The following IL5RA variants were observed in gnomAD, a reference collection of about 807,000 sequenced individuals.
IL5RA encodes interleukin 5 receptor subunit alpha.
IL5RA carries 49 observed loss-of-function variants against 50.0 expected under a neutral mutation model. The observed-to-expected ratio is 0.98, with a 90% CI of 0.78 to 1.24. The LOEUF (loss-of-function observed/expected upper bound fraction) is 1.24, where lower values mean the gene tolerates loss of function less well. IL5RA is among the 50% of genes most tolerant of loss of function. IL5RA has a pLI of 0.00. For missense variants in IL5RA, 600 were observed against 500.4 expected (o/e 1.20, Z -1.90); for synonymous variants, 202 against 174.0 (o/e 1.16, Z -1.26).
chr3:3,090,374 C>G, intron 9 of IL5RA: 1 of 726,962 alleles, frequency 1.4e-6, no homozygotes, highest in Non-Finnish European at 2.4e-6. Flanking sequence ...ATCCCATGCT[C>G]TTATAGACCT....
rs59813986 is a variant in IL5RA at position 3,069,630 on chromosome 3, T to TTCTCTCTCTCTCTCTCTCTC, written c.*575_*594dup. ...TCAGGCCTCTGGAGCTTGAGATAAT[T>TTCTCTCTCTCTCTCTCTCTC]TCTCTCTCTCTCTCTCTCTCTCTCT... On this transcript the variant is annotated 3_prime_UTR_variant, in exon 12 of 12. Coordinates refer to ENST00000446632, the MANE Select transcript of IL5RA (RefSeq NM_175726.4). 18 of 147,086 alleles carry TTCTCTCTCTCTCTCTCTCTC rather than the reference T, an allele frequency of 1.2e-4. No homozygotes were observed. Among genetic ancestry groups the TTCTCTCTCTCTCTCTCTCTC allele is most frequent in the African/African-American group, 4.3e-4 (17 of 39,330 alleles). The allele number at this position is 147,086 out of a possible 1,614,324, so 9.1% of individuals were successfully genotyped here.
chr3:3,102,085 T>C (rs1251698846), intron 4 of IL5RA, among the ~76,000 whole-genome samples: 1 of 152,132 alleles, frequency 6.6e-6, no homozygotes, highest in Non-Finnish European at 1.5e-5. Context: ...GAGCACCATC[T>C]CCCCAGAGGT....
intron 11 of IL5RA, among the ~76,000 whole-genome samples, chr3:3,073,433 A>G (rs1395802296): frequency 6.6e-6 from 1 of 152,210 alleles, no homozygotes; most frequent in Non-Finnish European, 1.5e-5. Flanking sequence ...GAGCACAGCC[A>G]CGCTCATTCA....
In IL5RA at chr3:3,092,961, G is replaced by T. The variant is rs1447693519; in HGVS notation, c.856-599C>A. 6.6e-6 allele frequency among the ~76,000 whole-genome samples: 1 copy of T among 151,884 alleles called. No individual in the cohort carries two copies. The highest frequency in any genetic ancestry group is 1.5e-5 in the Non-Finnish European group (1 of 67,992). ...ATTATCTTTTGCTTGGACCTTTGCA[G>T]TAGCCGCTAACTGATATCATATGTC... On this transcript the variant is annotated intron_variant, in intron 8 of 11. Coordinates refer to ENST00000446632, the MANE Select transcript of IL5RA (RefSeq NM_175726.4). The surrounding 1 kb of genome is among the most constrained non-coding windows in gnomAD (Gnocchi z 4.2).
chr3:3,082,224 G>A (rs901372939), intron 9 of IL5RA, among the ~76,000 whole-genome samples: 13 of 152,282 alleles, frequency 8.5e-5, no homozygotes, highest in East Asian at 1.9e-4. Context: ...GGGAGATCCC[G>A]TAGTATAGTC....
chr3:3,092,452 G>A lies in IL5RA; in HGVS notation c.856-90C>T, dbSNP rs1351715232. On this transcript the variant is annotated intron_variant, in intron 8 of 11. Transcript: ENST00000446632. The surrounding 1 kb of genome is among the most constrained non-coding windows in gnomAD (Gnocchi z 4.2). ...GAATGGGAGGTCCTATATAGGTCAT[G>A]TGACTCACTGTTCAGCAAGTCCTTT... 8.6e-7 allele frequency: 1 copy of A among 1,169,322 alleles called. No homozygotes were observed. Among genetic ancestry groups the A allele is most frequent in the South Asian group, 1.4e-5 (1 of 72,708 alleles). 72.4% of individuals were successfully genotyped at this position (1,169,322 alleles called of 1,614,324 possible).
In IL5RA at chr3:3,074,898, G is replaced by A. The variant is rs763350712; in HGVS notation, c.1092-32C>T. ...ACAGAGTAAAGAAGGAATTAGGTGA[G>A]CATGAGTATACCTTTTGTCTCTAAA... On this transcript the variant is annotated intron_variant, in intron 10 of 11. Coordinates refer to ENST00000446632, the MANE Select transcript of IL5RA (RefSeq NM_175726.4). The A allele has an allele frequency of 3.9e-6, 5 of 1,286,538 alleles. No individual in the cohort carries two copies. The African/African-American group carries it at 7.3e-5, about 19-fold the overall frequency. 79.7% of individuals were successfully genotyped at this position (1,286,538 alleles called of 1,614,324 possible).
chr3:3,081,111 G>T (rs1251723962), intron 9 of IL5RA, among the ~76,000 whole-genome samples: 2 of 152,132 alleles, frequency 1.3e-5, no homozygotes, highest in African/African-American at 2.4e-5. Flanking sequence ...CCTCAAAGTG[G>T]CAAAGCTTTT....
chr3:3,091,959 G>T (rs1703130945), intron 9 of IL5RA: 9 of 1,189,128 alleles, frequency 7.6e-6, no homozygotes, highest in Non-Finnish European at 7.3e-6. Flanking sequence ...TTAAAAAATG[G>T]ATAGAAGTAG....
intron 5 of IL5RA, among the ~76,000 whole-genome samples, chr3:3,099,762 C>T (rs888427217): frequency 2.1e-4 from 32 of 151,794 alleles, no homozygotes; most frequent in African/African-American, 5.3e-4. Context: ...CTCACCCTCC[C>T]GGGTTCAAGC....
intron 5 of IL5RA, among the ~76,000 whole-genome samples, chr3:3,099,002 G>A (rs761577121): frequency 3.9e-5 from 6 of 152,152 alleles, no homozygotes; most frequent in Non-Finnish European, 8.8e-5. Context: ...GTAAAGGAGC[G>A]GGTTGGTACA....
chr3:3,094,498 A>T (rs1559872592), intron 8 of IL5RA, among the ~76,000 whole-genome samples: 1 of 152,142 alleles, frequency 6.6e-6, no homozygotes, highest in Non-Finnish European at 1.5e-5. Context: ...CATTTTGCTT[A>T]TCCATTCATT....
Position 3,098,170 on chromosome 3 carries a change from G to T in IL5RA, c.488C>A (p.Ala163Asp), listed in dbSNP as rs1422646378. ...GAGAAAATACTGCGTGTCCTCAGGGGCATCTGTGCCAACAAGCCAGGTGCA... is the reference window on the plus strand; with the variant it reads ...GAGAAAATACTGCGTGTCCTCAGGGTCATCTGTGCCAACAAGCCAGGTGCA... ...LHCTWLVGTD[A>D]PEDTQYFLYY... The change falls in exon 6 of 12, where the codon GCC (alanine) becomes GAC (aspartate). Residue 163 changes from alanine (A) to aspartate (D), a missense_variant. Physicochemically the swap from Ala to Asp is moderately radical, Grantham distance 126. Transcript: ENST00000446632. The T allele has an allele frequency of 1.2e-6, 2 of 1,614,012 alleles. No individual in the cohort carries two copies. The highest frequency in any genetic ancestry group is 1.7e-6 in the Non-Finnish European group (2 of 1,180,032).
chr3:3,098,410 C>T, intron 5 of IL5RA, 120 bp from the exon 6 acceptor site: 1 of 874,724 alleles, frequency 1.1e-6, no homozygotes, highest in South Asian at 1.7e-5. Context: ...ATCATCTTCA[C>T]ATTTTTTTTT....
intron 1 of IL5RA, 171 bp downstream of exon 1, chr3:3,109,773 TG>T (rs1225043540): frequency 1.3e-5 from 2 of 152,262 alleles, no homozygotes; most frequent in Non-Finnish European, 2.9e-5. Flanking sequence ...TTTACAAGTT[TG>T]TCATATATTT....
At chr3:3,099,238 G>A (rs1039321567) in intron 5 of IL5RA, among the ~76,000 whole-genome samples, 4 of 152,192 alleles carry the variant, frequency 2.6e-5, no homozygotes, top group African/African-American at 9.7e-5. Flanking sequence ...GCTCATGCCT[G>A]TAATCCCAGT....
Position 3,068,202 on chromosome 3 carries a change from A to T in IL5RA, c.*2023T>A, listed in dbSNP as rs1702183280. 6.6e-6 allele frequency: 1 copy of T among 152,184 alleles called. No individual in the cohort carries two copies. Among genetic ancestry groups the T allele is most frequent in the Admixed American group, 6.5e-5 (1 of 15,282 alleles). The allele number at this position is 152,184 out of a possible 1,614,324, so 9.4% of individuals were successfully genotyped here. A position where few individuals can be genotyped will look rare whatever the true frequency, so the allele number is the denominator to read the frequency against. ...CAGACCTATTCAGTTAGAGACTCTA[A>T]GAATGGAGCCCACTCCTCTGTGTCT... On this transcript the variant is annotated 3_prime_UTR_variant, in exon 12 of 12. Coordinates refer to ENST00000446632, the MANE Select transcript of IL5RA (RefSeq NM_175726.4).
rs1703167939 is a variant in IL5RA at position 3,092,441 on chromosome 3, A to G, written c.856-79T>C. 14 of 1,324,200 alleles carry G rather than the reference A, an allele frequency of 1.1e-5. No homozygotes were observed. Among genetic ancestry groups the G allele is most frequent in the Non-Finnish European group, 1.4e-5 (13 of 944,166 alleles). 82.0% of individuals were successfully genotyped at this position (1,324,200 alleles called of 1,614,324 possible). A position where few individuals can be genotyped will look rare whatever the true frequency, so the allele number is the denominator to read the frequency against. On this transcript the variant is annotated intron_variant, in intron 8 of 11. Coordinates refer to ENST00000446632, the MANE Select transcript of IL5RA (RefSeq NM_175726.4). This position sits in a 1 kb window ranked among gnomAD's most constrained non-coding sequence, Gnocchi z 4.2. Reference sequence around the variant, plus strand: ...GCCGATTATCAGAATGGGAGGTCCTATATAGGTCATGTGACTCACTGTTCA... The same window carrying G: ...GCCGATTATCAGAATGGGAGGTCCTGTATAGGTCATGTGACTCACTGTTCA...
chr3:3,089,546 T>C (rs1703004773), intron 9 of IL5RA, among the ~76,000 whole-genome samples: 1 of 152,202 alleles, frequency 6.6e-6, no homozygotes, highest in African/African-American at 2.4e-5. Context: ...CTCTCCTATG[T>C]ATACTCTTCC....
Sources: gnomAD v4.1 joint callset for allele counts (sites outside exome capture counted in the v4.1 genomes callset) on GRCh38, gnomAD v4.1.1 for gene constraint, Gnocchi (gnomAD v3.1) non-coding constraint, MANE v1.5 for transcripts, NCBI Gene and HGNC (gene_info 2026-07-23, HGNC 2026-07-21) for gene names.